ELAVL3: variants seen among roughly 807,000 people sequenced by gnomAD.
ELAVL3 encodes ELAV-like protein 3.
Under a neutral mutation model 34.2 loss-of-function variants are expected in ELAVL3, and 8 were observed. That is an observed-to-expected ratio of 0.23 (90% CI 0.14 to 0.42). The LOEUF (loss-of-function observed/expected upper bound fraction) is 0.42. Ranked by LOEUF, ELAVL3 falls within the 10% of genes least tolerant of loss-of-function variation. The pLI is 1.00. For synonymous variants in ELAVL3, 209 were observed against 222.1 expected (o/e 0.94, Z 0.53); for missense variants, 273 against 518.8 (o/e 0.53, Z 4.60).
At chr19:11,465,219 CCA>C (rs1157202840) in intron 3 of ELAVL3, among the ~76,000 whole-genome samples, 1 of 131,444 alleles carries the variant, frequency 7.6e-6, no homozygotes, top group Non-Finnish European at 1.6e-5. Context: ...TACACACACA[CCA>C]CACACATACA....
chr19:11,474,080 TG>T (rs1223041259), intron 1 of ELAVL3, among the ~76,000 whole-genome samples: 3 of 152,146 alleles, frequency 2.0e-5, no homozygotes, highest in Admixed American at 2.0e-4. Flanking sequence ...TCACCCAGAC[TG>T]GGGTGCAGTG....
At chr19:11,478,048 T>A (rs1332768380) in intron 1 of ELAVL3, among the ~76,000 whole-genome samples, 1 of 152,096 alleles carries the variant, frequency 6.6e-6, no homozygotes, top group Admixed American at 6.5e-5. Flanking sequence ...ACAACCACAG[T>A]GAATGGTATG....
chr19:11,454,637 G>A lies in ELAVL3; in HGVS notation c.993C>T (p.Thr331=), dbSNP rs764677546. The change falls in exon 7 of 7, where the codon ACC becomes ACT. Residue 331 remains threonine (T), a synonymous_variant. Transcript: ENST00000359227. This position sits in a 1 kb window ranked among gnomAD's most constrained non-coding sequence, Gnocchi z 9.2. The stretch of plus-strand genomic sequence containing the variant: ...TGGCCGCCTCGTCATAGTTGGTCAT[G>A]GTCACGAAGCCGAAACCCTTGCACT... The part of the protein sequence containing the change: ...TNKCKGFGFV[T]MTNYDEAAMA... The A allele has an allele frequency of 6.2e-7, 1 of 1,614,230 alleles. No homozygotes were observed. Among genetic ancestry groups the A allele is most frequent in the South Asian group, 1.1e-5 (1 of 91,090 alleles).
chr19:11,458,400 C>T lies in ELAVL3; in HGVS notation c.487+58G>A. On this transcript the variant is annotated intron_variant, in intron 4 of 6. Transcript: ENST00000359227. This position sits in a 1 kb window ranked among gnomAD's most constrained non-coding sequence, Gnocchi z 7.3. Reference sequence around the variant, plus strand: ...CTTGGTCGGTTTCCCCACGTTGGTCCCACCTGACTGCCTTTGCCCAGCGCC... The same window carrying T: ...CTTGGTCGGTTTCCCCACGTTGGTCTCACCTGACTGCCTTTGCCCAGCGCC... 1.9e-6 allele frequency: 3 copies of T among 1,610,418 alleles called. No individual in the cohort carries two copies. The highest frequency in any genetic ancestry group is 1.7e-6 in the Non-Finnish European group (2 of 1,178,140).
chr19:11,454,798 C>A lies in ELAVL3; in HGVS notation c.832G>T (p.Gly278Cys). Residue 278 changes from glycine to cysteine, a missense_variant, in exon 7 of 7, where the codon GGC (glycine) becomes TGC (cysteine). Gly to Cys is a radical substitution (Grantham distance 159). Around this residue, in one of 4 missense-constraint regions of ELAVL3, gnomAD observed 79 missense variants for 108.2 expected, o/e 0.73. Coordinates refer to ENST00000359227, the MANE Select transcript of ELAVL3 (RefSeq NM_001420.4). The surrounding 1 kb of genome is among the most constrained non-coding windows in gnomAD (Gnocchi z 9.2). ...SGLAGVGLSG[G>C]AAGAGWCIFV... Reference sequence around the variant, plus strand: ...ATGCACCAGCCGGCGCCCGCCGCGCCCCCCGACAGGCCCACGCCCGCCAGG... The same window carrying A: ...ATGCACCAGCCGGCGCCCGCCGCGCACCCCGACAGGCCCACGCCCGCCAGG... The A allele has an allele frequency of 1.2e-6, 2 of 1,612,776 alleles. No homozygotes were observed. Among genetic ancestry groups the A allele is most frequent in the Non-Finnish European group, 1.7e-6 (2 of 1,179,676 alleles).
chr19:11,475,880 G>A (rs895606914), intron 1 of ELAVL3, among the ~76,000 whole-genome samples: 1 of 152,086 alleles, frequency 6.6e-6, no homozygotes. Context: ...CTCCCAAAGT[G>A]CTGGTATTAC....
intron 1 of ELAVL3, among the ~76,000 whole-genome samples, chr19:11,468,102 T>C (rs899473781): frequency 7.9e-5 from 12 of 152,196 alleles, no homozygotes; most frequent in African/African-American, 2.9e-4. Context: ...TTTAGTAGCT[T>C]TGAAGCCTCA....
In ELAVL3 at chr19:11,466,186, T is replaced by C. The variant is rs1231086572; in HGVS notation, c.319A>G (p.Thr107Ala). ...GAGGCACCAACCTTGATGGTCTTCG[T>C]CTGTAATTTGAGGCCGTTGAGGGTG... ...INTLNGLKLQ[T>A]KTIKVSYARP... The change falls in exon 3 of 7, where the codon ACG becomes GCG. Residue 107 changes from threonine to alanine, a missense_variant. Thr to Ala is a moderately conservative substitution (Grantham distance 58, BLOSUM62 0). This residue lies in a region of ELAVL3 where 102 missense variants were observed against 250.1 expected (regional missense o/e 0.41). Transcript: ENST00000359227. The surrounding 1 kb of genome is among the most constrained non-coding windows in gnomAD (Gnocchi z 5.0). The C allele has an allele frequency of 6.2e-7, 1 of 1,613,758 alleles. No individual in the cohort carries two copies. Among genetic ancestry groups the C allele is most frequent in the Admixed American group, 1.7e-5 (1 of 59,992 alleles).
At chr19:11,457,485 C>T (rs1970794063) in intron 5 of ELAVL3, among the ~76,000 whole-genome samples, 1 of 152,230 alleles carries the variant, frequency 6.6e-6, no homozygotes, top group Non-Finnish European at 1.5e-5. Flanking sequence ...AGCCAACATT[C>T]TCGCAGCACT....
At position 11,454,449 on chromosome 19, in the gene ELAVL3, T is replaced by TTCTCTCTCTCTCTCTCTCTTTC. The variant is rs1970723088; in HGVS notation, c.*55_*76dup. ...GCCTGTGCTGTCTCTCTTGGGCCCC[T>TTCTCTCTCTCTCTCTCTCTTTC]TCTCTCTCTCTCTCTCTCTTTCTCT... On this transcript the variant is annotated 3_prime_UTR_variant, in exon 7 of 7. Transcript: ENST00000359227. This position sits in a 1 kb window ranked among gnomAD's most constrained non-coding sequence, Gnocchi z 9.2. 9.5e-7 allele frequency: 1 copy of TTCTCTCTCTCTCTCTCTCTTTC among 1,053,934 alleles called. No homozygotes were observed. Among genetic ancestry groups the TTCTCTCTCTCTCTCTCTCTTTC allele is most frequent in the East Asian group, 3.3e-5 (1 of 30,162 alleles). The allele number at this position is 1,053,934 out of a possible 1,614,324, so 65.3% of individuals were successfully genotyped here.
Position 11,480,704 on chromosome 19 carries a change from CG to C in ELAVL3, c.-97del. 8.1e-7 allele frequency: 1 copy of C among 1,239,832 alleles called. No homozygotes were observed. The highest frequency in any genetic ancestry group is 1.1e-6 in the Non-Finnish European group (1 of 948,170). 76.8% of individuals were successfully genotyped at this position (1,239,832 alleles called of 1,614,324 possible). On this transcript the variant is annotated 5_prime_UTR_variant, in exon 1 of 7. Coordinates refer to ENST00000359227, the MANE Select transcript of ELAVL3 (RefSeq NM_001420.4). The surrounding 1 kb of genome is among the most constrained non-coding windows in gnomAD (Gnocchi z 6.8). Reference sequence around the variant, plus strand: ...CCGATGCTCACGCTGGGGTCCCGCCCGGGCGGCCTCTGGTGCGGCCGCTGCA... The same window carrying C: ...CCGATGCTCACGCTGGGGTCCCGCCCGGCGGCCTCTGGTGCGGCCGCTGCA...
At chr19:11,478,375 G>A (rs1209263418) in intron 1 of ELAVL3, among the ~76,000 whole-genome samples, 4 of 152,134 alleles carry the variant, frequency 2.6e-5, no homozygotes, top group Non-Finnish European at 5.9e-5. Context: ...GGCTGAGCCG[G>A]CTGAGCTGAT....
At chr19:11,473,737 A>C (rs1437290273) in intron 1 of ELAVL3, among the ~76,000 whole-genome samples, 1 of 152,226 alleles carries the variant, frequency 6.6e-6, no homozygotes. Context: ...AGGGATTTGC[A>C]TATGAGTTTT....
At chr19:11,455,728 C>T (rs551800425) in intron 6 of ELAVL3, among the ~76,000 whole-genome samples, 7 of 152,286 alleles carry the variant, frequency 4.6e-5, no homozygotes, top group East Asian at 1.9e-4. Context: ...CCACTGCACC[C>T]GGCTTTCCTT....
Position 11,466,387 on chromosome 19 carries a change from TC to T in ELAVL3, c.230-113del. On this transcript the variant is annotated intron_variant, in intron 2 of 6. Transcript: ENST00000359227. This position sits in a 1 kb window ranked among gnomAD's most constrained non-coding sequence, Gnocchi z 5.0. ...CCCACCAAGTTTCCACCTTCCTGTTTCCAGATGACACCTTCGATGCTAGAGT... is the reference window on the plus strand; with the variant it reads ...CCCACCAAGTTTCCACCTTCCTGTTTCAGATGACACCTTCGATGCTAGAGT... 8.9e-7 allele frequency: 1 copy of T among 1,126,518 alleles called. No individual in the cohort carries two copies. The highest frequency in any genetic ancestry group is 1.3e-6 in the Non-Finnish European group (1 of 756,910). The allele number at this position is 1,126,518 out of a possible 1,614,324, so 69.8% of individuals were successfully genotyped here. A position where few individuals can be genotyped will look rare whatever the true frequency, so the allele number is the denominator to read the frequency against.
chr19:11,468,684 C>A (rs1276080409), intron 1 of ELAVL3, among the ~76,000 whole-genome samples: 4 of 152,074 alleles, frequency 2.6e-5, no homozygotes, highest in Non-Finnish European at 4.4e-5. Flanking sequence ...CTTCAGCCTG[C>A]CAAAGTGCTG....
chr19:11,477,689 CTAT>C (rs1971287447), intron 1 of ELAVL3, among the ~76,000 whole-genome samples: 1 of 146,722 alleles, frequency 6.8e-6, no homozygotes, highest in South Asian at 2.1e-4. Flanking sequence ...TGCTAGATCC[CTAT>C]TTTTTTTTTT....
chr19:11,462,861 C>T (rs2144887924), intron 3 of ELAVL3, among the ~76,000 whole-genome samples: 1 of 150,078 alleles, frequency 6.7e-6, no homozygotes, highest in East Asian at 2.0e-4. Context: ...ACACGGGAGG[C>T]TGAGGCAGGA....
At chr19:11,461,806 G>T (rs751348790) in intron 3 of ELAVL3, among the ~76,000 whole-genome samples, 1 of 152,104 alleles carries the variant, frequency 6.6e-6, no homozygotes, top group South Asian at 2.1e-4. Flanking sequence ...GATAGATAGG[G>T]GTCATTGTCT....
Sources: allele counts gnomAD v4.1 joint callset (sites outside exome capture counted in the v4.1 genomes callset), GRCh38; gene constraint gnomAD v4.1.1; regional missense constraint gnomAD v4.1.1; non-coding constraint Gnocchi (gnomAD v3.1); transcripts MANE v1.5; gene names NCBI Gene and HGNC (gene_info 2026-07-23, HGNC 2026-07-21).